TMEM178B: variants seen among roughly 807,000 people sequenced by gnomAD.
TMEM178B encodes the protein transmembrane protein 178B.
A neutral mutation model predicts 31.0 loss-of-function variants in TMEM178B; 5 were observed. That is an observed-to-expected ratio of 0.16 (90% CI 0.08 to 0.34). TMEM178B has a LOEUF of 0.34. Among genes scored for constraint, TMEM178B ranks in the 10% least tolerant of loss-of-function variants. TMEM178B has a pLI of 1.00. For synonymous variants in TMEM178B, 164 were observed against 164.0 expected, an observed-to-expected ratio of 1.00 and a Z score of 0.00; for missense variants, 275 against 400.3, an observed-to-expected ratio of 0.69 and a Z score of 2.67.
chr7:141,486,404 T>TA, the TMEM178B span, among the ~76,000 whole-genome samples: 1 of 152,180 alleles, frequency 6.6e-6, no homozygotes, highest in African/African-American at 2.4e-5. Context: ...ACACAAATTT[T>TA]AAAAAAGAGC....
rs187206014 is a variant in TMEM178B at position 141,470,814 on chromosome 7, A to C, written c.*28A>C. On this transcript the variant is annotated 3_prime_UTR_variant, in exon 4 of 4. Coordinates refer to ENST00000565468, the MANE Select transcript of TMEM178B (RefSeq NM_001195278.2). ...AACAAACCCATACATACATATATAT[A>C]TATAAATATATATATATAATATACA... 4.0e-6 allele frequency: 4 copies of C among 1,001,360 alleles called. No individual in the cohort carries two copies. Among genetic ancestry groups the C allele is most frequent in the Non-Finnish European group, 5.0e-6 (4 of 803,088 alleles). 62.0% of individuals were successfully genotyped at this position (1,001,360 alleles called of 1,614,324 possible).
chr7:141,494,438 C>A, the TMEM178B span, among the ~76,000 whole-genome samples: 3 of 152,106 alleles, frequency 2.0e-5, no homozygotes, highest in Non-Finnish European at 2.9e-5. Context: ...GAAAAAGAGG[C>A]AATGAAGTCA....
chr7:141,478,444 G>T lies in TMEM178B; in HGVS notation c.*7658G>T, dbSNP rs1437929093. 1 of 152,160 alleles carries T rather than the reference G, an allele frequency of 6.6e-6. No individual in the cohort carries two copies. The highest frequency in any genetic ancestry group is 1.5e-5 in the Non-Finnish European group (1 of 68,042). The allele number at this position is 152,160 out of a possible 1,614,324, so 9.4% of individuals were successfully genotyped here. On this transcript the variant is annotated 3_prime_UTR_variant, in exon 4 of 4. Transcript: ENST00000565468. ...TTCAATCCCAACTTTCCTCTCCTCT[G>T]CTGGGTCACAGTGATGGAACCAGCT...
intron 1 of TMEM178B, among the ~76,000 whole-genome samples, chr7:141,127,066 G>T (rs1008019665): frequency 5.9e-5 from 9 of 152,132 alleles, no homozygotes; most frequent in Non-Finnish European, 1.0e-4. Flanking sequence ...GAAAAGCCTT[G>T]CAGGTGAGAG....
At position 141,328,270 on chromosome 7, in the gene TMEM178B, A is replaced by G. The variant is rs566764483; in HGVS notation, c.497-109338A>G. 3.3e-5 allele frequency among the ~76,000 whole-genome samples: 5 copies of G among 152,358 alleles called. No homozygotes were observed. In the South Asian group the frequency reaches 1.0e-3, roughly 32 times the overall value. On this transcript the variant is annotated intron_variant, in intron 2 of 3. Transcript: ENST00000565468. ...GCTGGAGTTTCTGTCCAAACTTCACACAGTGGTATGTTCTATCCAATACCT... is the reference window on the plus strand; with the variant it reads ...GCTGGAGTTTCTGTCCAAACTTCACGCAGTGGTATGTTCTATCCAATACCT...
chr7:141,406,829 G>A (rs1285697597), intron 2 of TMEM178B, among the ~76,000 whole-genome samples: 1 of 152,238 alleles, frequency 6.6e-6, no homozygotes, highest in African/African-American at 2.4e-5. Flanking sequence ...TGAAGTTGAA[G>A]TGGCGTTTTG....
At chr7:141,506,572 G>A in the TMEM178B span, among the ~76,000 whole-genome samples, 1 of 152,124 alleles carries the variant, frequency 6.6e-6, no homozygotes, top group South Asian at 2.1e-4. Context: ...CCTCCCTCTC[G>A]ATCCCTCCTA....
chr7:141,325,092 G>A (rs1375287245), intron 2 of TMEM178B, among the ~76,000 whole-genome samples: 1 of 152,098 alleles, frequency 6.6e-6, no homozygotes, highest in Non-Finnish European at 1.5e-5. Context: ...AGGAGGCCAG[G>A]AAAATGTATG....
In TMEM178B at chr7:141,307,431, G is replaced by A. The variant is rs527762246; in HGVS notation, c.496+94727G>A. 6.4e-4 allele frequency among the ~76,000 whole-genome samples: 98 copies of A among 152,300 alleles called. 1 individual carries two copies. In the South Asian group the frequency reaches 0.019, roughly 29 times the overall value. On this transcript the variant is annotated intron_variant, in intron 2 of 3. Transcript: ENST00000565468. Reference sequence around the variant, plus strand: ...GGCACCGGCAGGGGATCCTGGCAGCGGCTGCCACTCACTTGCTGGGTCCCC... The same window carrying A: ...GGCACCGGCAGGGGATCCTGGCAGCAGCTGCCACTCACTTGCTGGGTCCCC...
chr7:141,243,816 G>GTA (rs545363837), intron 2 of TMEM178B, among the ~76,000 whole-genome samples: 191 of 152,268 alleles, frequency 1.3e-3, no homozygotes, highest in African/African-American at 4.5e-3. Context: ...AGTGGCGAGT[G>GTA]TATTTTCATG....
intron 1 of TMEM178B, among the ~76,000 whole-genome samples, chr7:141,178,751 A>G (rs1195031578): frequency 6.6e-6 from 1 of 152,128 alleles, no homozygotes; most frequent in Non-Finnish European, 1.5e-5. Context: ...CCTGAGTCCT[A>G]CTTTGACAAC....
chr7:141,103,052 G>A (rs1795084142), intron 1 of TMEM178B, among the ~76,000 whole-genome samples: 1 of 152,172 alleles, frequency 6.6e-6, no homozygotes, highest in South Asian at 2.1e-4. Context: ...TTAAATCCAG[G>A]AGCCCAAAGA....
intron 2 of TMEM178B, among the ~76,000 whole-genome samples, chr7:141,376,224 A>G (rs1350112716): frequency 1.3e-5 from 2 of 152,252 alleles, no homozygotes; most frequent in Non-Finnish European, 2.9e-5. Context: ...AAAGCCAGCT[A>G]ATAATAAGAA....
chr7:141,354,116 C>G (rs1799779382), intron 2 of TMEM178B, among the ~76,000 whole-genome samples: 1 of 152,314 alleles, frequency 6.6e-6, no homozygotes, highest in Admixed American at 6.5e-5. Flanking sequence ...TTAGAGCAAG[C>G]TTTAAAGAGT....
chr7:141,156,413 G>T (rs764606107), intron 1 of TMEM178B, among the ~76,000 whole-genome samples: 12 of 152,168 alleles, frequency 7.9e-5, no homozygotes, highest in Non-Finnish European at 1.8e-4. Context: ...CAGAGAACAT[G>T]CAAAGTCCCT....
intron 1 of TMEM178B, among the ~76,000 whole-genome samples, chr7:141,096,312 C>A (rs1440376496): frequency 6.6e-6 from 1 of 152,174 alleles, no homozygotes; most frequent in East Asian, 1.9e-4. Flanking sequence ...TGACTGGGTT[C>A]TGGACAGTGA....
chr7:141,502,419 G>A, the TMEM178B span, among the ~76,000 whole-genome samples: 7 of 152,134 alleles, frequency 4.6e-5, no homozygotes, highest in East Asian at 1.9e-4. Flanking sequence ...GGCTAAATCC[G>A]AGGGAACTCT....
chr7:141,395,747 A>G (rs1337372200), intron 2 of TMEM178B, among the ~76,000 whole-genome samples: 1 of 152,138 alleles, frequency 6.6e-6, no homozygotes, highest in Non-Finnish European at 1.5e-5. Flanking sequence ...TTATACACAT[A>G]TGGATTTCTA....
intron 2 of TMEM178B, among the ~76,000 whole-genome samples, chr7:141,342,056 A>G (rs1586902658): frequency 6.6e-6 from 1 of 152,044 alleles, no homozygotes; most frequent in Non-Finnish European, 1.5e-5. Context: ...CCAGTGATTC[A>G]CCTGCCTCAG....
Sources: gnomAD v4.1 joint callset for allele counts (sites outside exome capture counted in the v4.1 genomes callset) on GRCh38, gnomAD v4.1.1 for gene constraint, MANE v1.5 for transcripts, NCBI Gene and HGNC (gene_info 2026-07-23, HGNC 2026-07-21) for gene names.